TRIP11: variants seen among roughly 807,000 people sequenced by gnomAD.
The protein encoded by TRIP11 is thyroid hormone receptor interactor 11.
A neutral mutation model predicts 223.1 loss-of-function variants in TRIP11; 148 were observed. The ratio of observed to expected loss-of-function variants is 0.66; its 90% CI spans 0.58 to 0.76. The LOEUF is 0.76. TRIP11 is among the 30% of genes least tolerant of loss of function. TRIP11 has a pLI of 0.00. For missense variants in TRIP11, 2,043 were observed against 2,222.0 expected (o/e 0.92, Z 1.62); for synonymous variants, 762 against 772.6 (o/e 0.99, Z 0.23).
At chr14:92,017,939 T>A (rs2057056312) in intron 4 of TRIP11, among the ~76,000 whole-genome samples, 189 bp from the exon 5 acceptor site, 1 of 152,126 alleles carries the variant, frequency 6.6e-6, no homozygotes, top group African/African-American at 2.4e-5. Flanking sequence ...ATAAAAGATA[T>A]CATATTTAAG....
rs539406153 is a variant in TRIP11, at chr14:92,028,859, T to C, written c.202-3439A>G. Among the ~76,000 whole-genome samples, 22 of 152,374 alleles carry C rather than the reference T, an allele frequency of 1.4e-4. 1 individual carries two copies. In the South Asian group the frequency reaches 4.1e-3, roughly 29 times the overall value. The stretch of plus-strand genomic sequence containing the variant: ...TCTTAAAATATTCCGTCCTGCTTAA[T>C]CTTTGGTTATACCATTAGGGTCCAC... On this transcript the variant is annotated intron_variant, in intron 2 of 20. Coordinates refer to ENST00000267622, the MANE Select transcript of TRIP11 (RefSeq NM_004239.4).
intron 5 of TRIP11, 112 bp from the exon 6 acceptor site, chr14:92,015,973 G>A: frequency 9.3e-7 from 1 of 1,069,550 alleles, no homozygotes. Context: ...CTCAGAACAT[G>A]TTAAGGCTGA....
chr14:91,992,079 C>CAAAAAAAAA (rs3031548), intron 15 of TRIP11, among the ~76,000 whole-genome samples: 2 of 59,726 alleles, frequency 3.3e-5, no homozygotes, highest in African/African-American at 6.7e-5. Context: ...AACGCCGTCT[C>CAAAAAAAAA]AAAAAAAAAA....
chr14:92,006,200 T>C lies in TRIP11; in HGVS notation c.1776A>G (p.Leu592=). 11 of 1,613,378 alleles carry C rather than the reference T, an allele frequency of 6.8e-6. No homozygotes were observed. The highest frequency in any genetic ancestry group is 9.3e-6 in the Non-Finnish European group (11 of 1,179,788). Reference sequence around the variant, plus strand: ...TTACATTACTTTCTTGTGATTTATTTAGCTGATCTACTAAATTTTCTACTT... The same window carrying C: ...TTACATTACTTTCTTGTGATTTATTCAGCTGATCTACTAAATTTTCTACTT... ...EDKVENLVDQ[L]NKSQESNVSI... Residue 592 remains leucine (L), a synonymous_variant, in exon 11 of 21, where the codon CTA becomes CTG. Coordinates refer to ENST00000267622, the MANE Select transcript of TRIP11 (RefSeq NM_004239.4).
intron 16 of TRIP11, among the ~76,000 whole-genome samples, chr14:91,983,291 T>C (rs2056566588): frequency 6.6e-6 from 1 of 152,228 alleles, no homozygotes; most frequent in African/African-American, 2.4e-5. Flanking sequence ...CTGCAGTGCT[T>C]AGCACACAGC....
intron 3 of TRIP11, among the ~76,000 whole-genome samples, chr14:92,024,160 C>T (rs188737251): frequency 5.3e-5 from 8 of 152,144 alleles, no homozygotes; most frequent in Non-Finnish European, 8.8e-5. Context: ...GGCAGATCAC[C>T]TGAGGTCAGG....
chr14:92,012,735 G>T (rs1020958211), intron 7 of TRIP11, among the ~76,000 whole-genome samples: 1 of 152,130 alleles, frequency 6.6e-6, no homozygotes, highest in Non-Finnish European at 1.5e-5. Flanking sequence ...ATTCAATATG[G>T]TTCAAGTTTA....
At chr14:92,022,304 G>A (rs1255999738) in intron 3 of TRIP11, among the ~76,000 whole-genome samples, 1 of 152,138 alleles carries the variant, frequency 6.6e-6, no homozygotes, top group Non-Finnish European at 1.5e-5. Flanking sequence ...TGAATCTGAG[G>A]TAACTTTGTA....
chr14:91,997,192 T>C (rs2056761475), intron 13 of TRIP11, among the ~76,000 whole-genome samples: 1 of 152,322 alleles, frequency 6.6e-6, no homozygotes, highest in African/African-American at 2.4e-5. Context: ...GATGGCACTC[T>C]AGAAGTTAAT....
intron 2 of TRIP11, among the ~76,000 whole-genome samples, chr14:92,029,277 ATTATTTTTTTTTT>A (rs1270910182): frequency 1.3e-4 from 13 of 97,142 alleles, no homozygotes; most frequent in Admixed American, 9.9e-4. Flanking sequence ...TGCCCAAAGT[ATTATTTTTTTTTT>A]TTTTTTTTTT....
chr14:92,029,760 A>G (rs1334841892), intron 2 of TRIP11, among the ~76,000 whole-genome samples: 1 of 152,244 alleles, frequency 6.6e-6, no homozygotes, highest in Non-Finnish European at 1.5e-5. Flanking sequence ...AACATTCACA[A>G]TTATTAGACA....
intron 10 of TRIP11, 102 bp downstream of exon 10, chr14:92,007,538 C>T (rs1172040108): frequency 7.6e-7 from 1 of 1,320,388 alleles, no homozygotes; most frequent in Non-Finnish European, 1.1e-6. Flanking sequence ...AAAGGTTTGT[C>T]AATCTCTATG....
intron 7 of TRIP11, among the ~76,000 whole-genome samples, chr14:92,012,537 T>C (rs563856245): frequency 4.2e-4 from 64 of 152,034 alleles, no homozygotes; most frequent in African/African-American, 1.4e-3. Flanking sequence ...TAATCTAGAT[T>C]AGGAGGAGCA....
chr14:92,010,452 C>T (rs1427475929), intron 9 of TRIP11, among the ~76,000 whole-genome samples: 1 of 152,110 alleles, frequency 6.6e-6, no homozygotes. Context: ...ATCGCTTGAA[C>T]CCGGGAGGCG....
chr14:91,986,164 C>T (rs17733414), intron 16 of TRIP11, among the ~76,000 whole-genome samples: 11,428 of 152,160 alleles, frequency 0.075, 574 homozygotes, highest in Admixed American at 0.14. Flanking sequence ...ATCCAAAGTT[C>T]GTATACGTTT....
chr14:92,014,658 T>C (rs952202384), intron 6 of TRIP11, 81 bp from the exon 7 acceptor site: 3 of 1,440,996 alleles, frequency 2.1e-6, no homozygotes, highest in Non-Finnish European at 2.8e-6. Flanking sequence ...CTAAGAGATA[T>C]AAGACAGTTC....
intron 16 of TRIP11, among the ~76,000 whole-genome samples, chr14:91,987,722 G>A (rs1392020361): frequency 6.6e-6 from 1 of 152,170 alleles, no homozygotes; most frequent in African/African-American, 2.4e-5. Context: ...ACAAAGCCCT[G>A]TAAGCCACCT....
At chr14:92,030,236 G>A (rs1459725260) in intron 2 of TRIP11, among the ~76,000 whole-genome samples, 3 of 149,582 alleles carry the variant, frequency 2.0e-5, no homozygotes. Flanking sequence ...GAATTGATGA[G>A]TGAATAATAT....
chr14:91,969,793 A>G lies in TRIP11; in HGVS notation c.5820T>C (p.Pro1940=), dbSNP rs779331313. 4 of 1,614,218 alleles carry G rather than the reference A, an allele frequency of 2.5e-6. No individual in the cohort carries two copies. Among genetic ancestry groups the G allele is most frequent in the East Asian group, 2.2e-5 (1 of 44,882 alleles). ...TCAGAAGAAGATGCCCGGGCCCACC[A>G]GGTCCAAGTCCAGCTGGGTTAATAA... ...VPLINPAGLG[P]GGPGHLLLKP... is the part of the protein sequence containing the mutation. The change falls in exon 21 of 21, where the codon CCT becomes CCC. Residue 1940 remains proline, a synonymous_variant. Transcript: ENST00000267622.
Sources: gnomAD v4.1 joint callset for allele counts (sites outside exome capture counted in the v4.1 genomes callset) on GRCh38, gnomAD v4.1.1 for gene constraint, MANE v1.5 for transcripts, NCBI Gene and HGNC (gene_info 2026-07-23, HGNC 2026-07-21) for gene names.